PDE11A: variants seen among roughly 807,000 people sequenced by gnomAD.
PDE11A encodes dual 3',5'-cyclic-AMP and -GMP phosphodiesterase 11A.
Under a neutral mutation model 100.5 loss-of-function variants are expected in PDE11A, and 100 were observed. The ratio of observed to expected loss-of-function variants is 1.00; its 90% CI spans 0.85 to 1.18. PDE11A has a LOEUF of 1.18. Ranked by LOEUF, PDE11A falls within the 50% of genes most tolerant of loss-of-function variation. The pLI is 0.00. For missense variants in PDE11A, 1,141 were observed against 1,152.6 expected, an observed-to-expected ratio of 0.99 and a Z score of 0.15; for synonymous variants, 381 against 420.8, an observed-to-expected ratio of 0.91 and a Z score of 1.16.
At chr2:177,996,094 G>A (rs2086070232) in intron 2 of PDE11A, among the ~76,000 whole-genome samples, 1 of 152,076 alleles carries the variant, frequency 6.6e-6, no homozygotes, top group Admixed American at 6.5e-5. Context: ...GGGTGTGGTG[G>A]TGGGTGCCCA....
intron 10 of PDE11A, among the ~76,000 whole-genome samples, chr2:177,754,418 T>A (rs2082064934): frequency 6.6e-6 from 1 of 152,252 alleles, no homozygotes; most frequent in African/African-American, 2.4e-5. Flanking sequence ...CTTTTTATGG[T>A]CTGATGAGCA....
At chr2:177,873,386 G>A (rs2084176273) in intron 5 of PDE11A, among the ~76,000 whole-genome samples, 1 of 152,116 alleles carries the variant, frequency 6.6e-6, no homozygotes, top group Non-Finnish European at 1.5e-5. Context: ...AAATTGCTGA[G>A]TATACTACTA....
chr2:177,724,592 A>C (rs1252783682), intron 12 of PDE11A, among the ~76,000 whole-genome samples: 1 of 152,124 alleles, frequency 6.6e-6, no homozygotes, highest in Non-Finnish European at 1.5e-5. Flanking sequence ...TCACAGATTT[A>C]AGGTCACACG....
intron 4 of PDE11A, among the ~76,000 whole-genome samples, chr2:177,896,918 C>G (rs556169522): frequency 1.3e-5 from 2 of 152,064 alleles, no homozygotes; most frequent in Non-Finnish European, 2.9e-5. Context: ...GTAAACCGCA[C>G]TGACTGAAAC....
intron 6 of PDE11A, among the ~76,000 whole-genome samples, chr2:177,828,340 T>C (rs1185682953): frequency 1.3e-5 from 2 of 152,102 alleles, no homozygotes; most frequent in Non-Finnish European, 2.9e-5. Context: ...TATTTGACAA[T>C]ATTGAACAAT....
chr2:177,850,583 T>C (rs564581543), intron 5 of PDE11A, among the ~76,000 whole-genome samples: 29 of 152,108 alleles, frequency 1.9e-4, no homozygotes, highest in African/African-American at 6.3e-4. Flanking sequence ...GAAACGACCA[T>C]CAGAGTGAAC....
chr2:177,881,403 T>C (rs2084340754), intron 4 of PDE11A, among the ~76,000 whole-genome samples: 1 of 147,740 alleles, frequency 6.8e-6, no homozygotes, highest in South Asian at 2.1e-4. Context: ...ATCTATCTAG[T>C]CTCCTATTGG....
intron 2 of PDE11A, among the ~76,000 whole-genome samples, chr2:177,930,191 T>C (rs2085186969): frequency 1.3e-5 from 2 of 152,254 alleles, no homozygotes; most frequent in East Asian, 1.9e-4. Context: ...CTAGTGTTTC[T>C]GAAGCTAATT....
Position 177,637,411 on chromosome 2 carries a change from G to A in PDE11A, c.2647-7849C>T, listed in dbSNP as rs115829685. The stretch of plus-strand genomic sequence containing the variant: ...TGGAACCAGAACTCTCCTTCCTTAG[G>A]CATGCCTGTAGCACACTCTCCATCT... On this transcript the variant is annotated intron_variant, in intron 19 of 19. Transcript: ENST00000286063. Among the ~76,000 whole-genome samples the A allele has an allele frequency of 7.0e-3, 1,071 of 152,080 alleles. 9 individuals are homozygous for A. The highest frequency in any genetic ancestry group is 0.024 in the African/African-American group (1,013 of 41,456).
chr2:177,856,173 C>A (rs1462645936), intron 5 of PDE11A, among the ~76,000 whole-genome samples: 1 of 152,072 alleles, frequency 6.6e-6, no homozygotes, highest in Non-Finnish European at 1.5e-5. Flanking sequence ...GCTAACTGAG[C>A]AGTACCTTCA....
At chr2:177,884,412 G>A (rs2105708801) in intron 4 of PDE11A, among the ~76,000 whole-genome samples, 1 of 152,252 alleles carries the variant, frequency 6.6e-6, no homozygotes, top group East Asian at 1.9e-4. Flanking sequence ...TCTCCCTATT[G>A]CAATAGCCAG....
chr2:178,065,867 C>T (rs2105868845), intron 1 of PDE11A, among the ~76,000 whole-genome samples: 1 of 152,204 alleles, frequency 6.6e-6, no homozygotes, highest in East Asian at 1.9e-4. Flanking sequence ...CTGAGGCAAA[C>T]ACTTTCAATG....
chr2:177,936,733 C>T lies in PDE11A; in HGVS notation c.1072-31546G>A, dbSNP rs922159872. 2.0e-5 allele frequency among the ~76,000 whole-genome samples: 3 copies of T among 152,074 alleles called. No homozygotes were observed. The South Asian group carries it at 6.2e-4, about 32-fold the overall frequency. On this transcript the variant is annotated intron_variant, in intron 2 of 19. Coordinates refer to ENST00000286063, the MANE Select transcript of PDE11A (RefSeq NM_016953.4). ...GTCAGAAGTTTAAGACTAGCCTGGC[C>T]AACATGGTGAAACCCTGTCTCTACT... is the stretch of plus-strand genomic sequence containing the variant.
intron 4 of PDE11A, among the ~76,000 whole-genome samples, chr2:177,896,507 G>A (rs1213842969): frequency 6.6e-6 from 1 of 152,160 alleles, no homozygotes; most frequent in Non-Finnish European, 1.5e-5. Context: ...CTCCCACAGG[G>A]ACCTTGGGGT....
At position 177,911,121 on chromosome 2, in the gene PDE11A, T is replaced by C. The variant is rs551574633; in HGVS notation, c.1072-5934A>G. Among the ~76,000 whole-genome samples, 13 of 152,352 alleles carry C rather than the reference T, an allele frequency of 8.5e-5. No homozygotes were observed. The East Asian group carries it at 2.1e-3, about 25-fold the overall frequency. On this transcript the variant is annotated intron_variant, in intron 2 of 19. Transcript: ENST00000286063. The stretch of plus-strand genomic sequence containing the variant: ...CTTCTGCCCTCAGGCAGTAACTATA[T>C]GATAAAGCTTCACTGATTTGGAGCC...
chr2:177,770,075 TTATTA>T (rs2082291924), intron 9 of PDE11A, among the ~76,000 whole-genome samples: 2 of 152,122 alleles, frequency 1.3e-5, no homozygotes, highest in South Asian at 2.1e-4. Flanking sequence ...TTGCCTGCTT[TTATTA>T]TATTAGGAAA....
intron 9 of PDE11A, among the ~76,000 whole-genome samples, chr2:177,772,082 C>A (rs2082319734): frequency 6.6e-6 from 1 of 151,972 alleles, no homozygotes; most frequent in Non-Finnish European, 1.5e-5. Context: ...CAAAAAGTTT[C>A]TTTGTGTTAA....
Position 177,625,636 on chromosome 2 carries a change from A to T in PDE11A, c.*3771T>A, listed in dbSNP as rs1430680282. ...CTGAGGAAGCAAACATAATCTGGTC[A>T]GTTTGAGTTTTTACAAGAAGGCTCA... On this transcript the variant is annotated 3_prime_UTR_variant, in exon 20 of 20. Transcript: ENST00000286063. 1 of 152,234 alleles carries T rather than the reference A, an allele frequency of 6.6e-6. No homozygotes were observed. Among genetic ancestry groups the T allele is most frequent in the African/African-American group, 2.4e-5 (1 of 41,460 alleles). 9.4% of individuals were successfully genotyped at this position (152,234 alleles called of 1,614,324 possible). A position where few individuals can be genotyped will look rare whatever the true frequency, so the allele number is the denominator to read the frequency against.
chr2:178,008,392 G>A (rs1394427658), intron 2 of PDE11A, among the ~76,000 whole-genome samples: 1 of 152,124 alleles, frequency 6.6e-6, no homozygotes, highest in Non-Finnish European at 1.5e-5. Flanking sequence ...TTGCAGCCAT[G>A]TCTAAAGGTA....
Sources: allele counts gnomAD v4.1 joint callset (sites outside exome capture counted in the v4.1 genomes callset), GRCh38; gene constraint gnomAD v4.1.1; transcripts MANE v1.5; gene names NCBI Gene and HGNC (gene_info 2026-07-23, HGNC 2026-07-21).